PACRG: variants seen among roughly 807,000 people sequenced by gnomAD.
PACRG encodes the protein parkin coregulated gene protein.
A neutral mutation model predicts 29.7 loss-of-function variants in PACRG; 29 were observed. The observed-to-expected ratio is 0.98, with a 90% confidence interval of 0.73 to 1.33. PACRG has a LOEUF of 1.33. PACRG is among the 40% of genes most tolerant of loss of function. The pLI is 0.00. For synonymous variants in PACRG, 116 were observed against 118.7 expected (o/e 0.98, Z 0.15); for missense variants, 279 against 316.2 (o/e 0.88, Z 0.89).
intron 4 of PACRG, among the ~76,000 whole-genome samples, chr6:163,098,415 C>T (rs1448236386): frequency 1.3e-5 from 2 of 152,220 alleles, no homozygotes; most frequent in Non-Finnish European, 2.9e-5. Context: ...CCTCCCCTGA[C>T]TCCGCCCCCA....
At chr6:163,295,374 G>A (rs1358081598) in intron 4 of PACRG, among the ~76,000 whole-genome samples, 2 of 152,126 alleles carry the variant, frequency 1.3e-5, no homozygotes, top group Non-Finnish European at 2.9e-5. Flanking sequence ...AATTGGCTTG[G>A]CCACACCGAC....
At chr6:163,298,768 C>T (rs1784877536) in intron 4 of PACRG, among the ~76,000 whole-genome samples, 1 of 152,220 alleles carries the variant, frequency 6.6e-6, no homozygotes, top group Non-Finnish European at 1.5e-5. Flanking sequence ...GATGCCATAA[C>T]TCAGTGAAAT....
In PACRG at chr6:163,160,218, G is replaced by A. The variant is rs1778500460; in HGVS notation, c.613+70810G>A. Among the ~76,000 whole-genome samples the A allele has an allele frequency of 2.6e-5, 4 of 152,078 alleles. No homozygotes were observed. The South Asian group carries it at 8.3e-4, about 32-fold the overall frequency. On this transcript the variant is annotated intron_variant, in intron 4 of 4. Coordinates refer to ENST00000366888, the MANE Select transcript of PACRG (RefSeq NM_001080379.2). ...TAATTTTGACAGTTAATGCTTCCAAGAAACTTAATAAAGATTCTACAGCCA... is the reference window on the plus strand; with the variant it reads ...TAATTTTGACAGTTAATGCTTCCAAAAAACTTAATAAAGATTCTACAGCCA...
At chr6:163,235,048 A>G (rs1476555363) in intron 4 of PACRG, among the ~76,000 whole-genome samples, 1 of 152,220 alleles carries the variant, frequency 6.6e-6, no homozygotes, top group East Asian at 1.9e-4. Flanking sequence ...AACTGAAGGT[A>G]CAAAAAAGAA....
chr6:162,981,305 A>ATATATATATATATATATATATATATT (rs925663285), intron 2 of PACRG, among the ~76,000 whole-genome samples: 321 of 149,048 alleles, frequency 2.2e-3, no homozygotes, highest in African/African-American at 7.0e-3. Context: ...ATATATATAT[A>ATATATATATATATATATATATATATT]TTTACAATGG....
intron 2 of PACRG, among the ~76,000 whole-genome samples, chr6:162,896,878 A>G (rs543662764): frequency 6.6e-6 from 1 of 152,372 alleles, no homozygotes; most frequent in African/African-American, 2.4e-5. Context: ...ATGAGAAGGA[A>G]ATACATTTTA....
chr6:162,871,893 G>T (rs1027331683), intron 2 of PACRG, among the ~76,000 whole-genome samples: 1 of 151,248 alleles, frequency 6.6e-6, no homozygotes, highest in African/African-American at 2.4e-5. Flanking sequence ...CTCCAGCCTG[G>T]GTGACAGAGC....
chr6:162,991,949 AG>A (rs1487038759), intron 2 of PACRG, among the ~76,000 whole-genome samples: 6 of 120,852 alleles, frequency 5.0e-5, no homozygotes, highest in African/African-American at 8.6e-5. Flanking sequence ...TTTAGCATGA[AG>A]GGTTGTTGAA....
chr6:162,831,461 T>C (rs992907941), intron 2 of PACRG, among the ~76,000 whole-genome samples: 1 of 152,180 alleles, frequency 6.6e-6, no homozygotes, highest in Non-Finnish European at 1.5e-5. Context: ...TTTCTTGGCA[T>C]TAGTGAAACT....
chr6:163,212,633 GA>G (rs1202127522), intron 4 of PACRG, among the ~76,000 whole-genome samples: 2 of 152,036 alleles, frequency 1.3e-5, no homozygotes, highest in African/African-American at 4.8e-5. Context: ...ACTACATTAG[GA>G]ATTAATGACT....
intron 4 of PACRG, among the ~76,000 whole-genome samples, chr6:163,139,005 A>G (rs986784406): frequency 4.0e-4 from 61 of 152,310 alleles, no homozygotes; most frequent in African/African-American, 1.4e-3. Flanking sequence ...TCCATCCTAC[A>G]CTGCCCATAT....
intron 3 of PACRG, among the ~76,000 whole-genome samples, chr6:163,078,376 G>C (rs957717816): frequency 1.3e-5 from 2 of 151,982 alleles, no homozygotes; most frequent in African/African-American, 2.4e-5. Context: ...GGTGGCGGGT[G>C]CCTGTAATCC....
rs568422521 is a variant in PACRG at position 162,733,175 on chromosome 6, A to AT, written c.156+4789dup. 5.9e-5 allele frequency among the ~76,000 whole-genome samples: 9 copies of AT among 152,298 alleles called. No individual in the cohort carries two copies. The South Asian group carries it at 1.9e-3, about 32-fold the overall frequency. On this transcript the variant is annotated intron_variant, in intron 1 of 4. Coordinates refer to ENST00000366888, the MANE Select transcript of PACRG (RefSeq NM_001080379.2). ...GAACACATGCTGTCAAGAAGCTTAT[A>AT]TTTTTGTGGCCAGCAAAATGCCAAC...
chr6:163,277,263 C>A (rs901732236), intron 4 of PACRG, among the ~76,000 whole-genome samples: 2 of 151,964 alleles, frequency 1.3e-5, no homozygotes, highest in Admixed American at 1.3e-4. Context: ...ACCACGTACC[C>A]TTCCCCCTGA....
chr6:162,852,844 AATT>A (rs1791040723), intron 2 of PACRG, among the ~76,000 whole-genome samples: 1 of 152,196 alleles, frequency 6.6e-6, no homozygotes, highest in Non-Finnish European at 1.5e-5. Flanking sequence ...ATTAATCAAT[AATT>A]CTTTTTAGTG....
intron 4 of PACRG, among the ~76,000 whole-genome samples, chr6:163,203,103 A>G (rs1406340438): frequency 6.6e-6 from 1 of 152,222 alleles, no homozygotes; most frequent in East Asian, 1.9e-4. Flanking sequence ...TCCTCACTCA[A>G]AAGCACTGTA....
At chr6:163,298,717 A>G (rs543098515) in intron 4 of PACRG, among the ~76,000 whole-genome samples, 45 of 152,306 alleles carry the variant, frequency 3.0e-4, no homozygotes, top group Admixed American at 5.9e-4. Context: ...GCCATGACAA[A>G]TGATAATTAG....
chr6:162,852,077 A>T (rs1027129411), intron 2 of PACRG, among the ~76,000 whole-genome samples: 1 of 150,362 alleles, frequency 6.7e-6, no homozygotes, highest in African/African-American at 2.5e-5. Flanking sequence ...TTGTCATTAG[A>T]AGTATTACTA....
chr6:162,977,525 CT>C (rs1218197678), intron 2 of PACRG, among the ~76,000 whole-genome samples: 5 of 151,916 alleles, frequency 3.3e-5, no homozygotes, highest in Admixed American at 2.6e-4. Context: ...CCCTGAGCCC[CT>C]TTTTTTTCTC....
Sources: gnomAD v4.1 joint callset for allele counts (sites outside exome capture counted in the v4.1 genomes callset) on GRCh38, gnomAD v4.1.1 for gene constraint, MANE v1.5 for transcripts, NCBI Gene and HGNC (gene_info 2026-07-23, HGNC 2026-07-21) for gene names.